The following CFAP54 variants were observed in gnomAD, a reference collection of about 807,000 sequenced individuals.
CFAP54 encodes cilia- and flagella-associated protein 54.
CFAP54 carries 290 observed loss-of-function variants against 370.4 expected under a neutral mutation model. That is an observed-to-expected ratio of 0.78 (90% CI 0.71 to 0.86). CFAP54 has a LOEUF of 0.86. CFAP54 is among the 40% of genes least tolerant of loss of function. CFAP54 has a pLI of 0.00. For synonymous variants in CFAP54, 1,206 were observed against 1,236.5 expected, an observed-to-expected ratio of 0.98 and a Z score of 0.52; for missense variants, 3,399 against 3,528.7, an observed-to-expected ratio of 0.96 and a Z score of 0.93.
At chr12:96,512,299 T>C (rs1955177721) in intron 4 of CFAP54, among the ~76,000 whole-genome samples, 1 of 119,548 alleles carries the variant, frequency 8.4e-6, no homozygotes, top group Non-Finnish European at 1.7e-5. Flanking sequence ...TGGGAACCAA[T>C]TTTATATATA....
chr12:96,835,889 C>A lies in CFAP54; in HGVS notation c.9171+6801C>A, dbSNP rs890736010. 4.6e-5 allele frequency among the ~76,000 whole-genome samples: 7 copies of A among 152,128 alleles called. No individual in the cohort carries two copies. In the East Asian group the frequency reaches 1.4e-3, roughly 30 times the overall value. On this transcript the variant is annotated intron_variant, in intron 66 of 67. Coordinates refer to ENST00000524981, the MANE Select transcript of CFAP54 (RefSeq NM_001306084.2). ...CAGCTGGTGTGATGGCAGTGGTAGGCGATCTGGAGTGGCTGCTGCCATCAT... is the reference window on the plus strand; with the variant it reads ...CAGCTGGTGTGATGGCAGTGGTAGGAGATCTGGAGTGGCTGCTGCCATCAT...
chr12:96,500,669 G>T (rs1041497412), intron 1 of CFAP54, among the ~76,000 whole-genome samples, 165 bp from the exon 2 acceptor site: 2 of 152,076 alleles, frequency 1.3e-5, no homozygotes, highest in Non-Finnish European at 2.9e-5. Flanking sequence ...TACATAGGAA[G>T]CAATAATTTT....
rs117140433 is a variant in CFAP54, at chr12:96,845,509, A to G, written c.9172-15310A>G. Among the ~76,000 whole-genome samples the G allele has an allele frequency of 2.0e-3, 308 of 152,308 alleles. 5 individuals are homozygous for G. The highest frequency in any genetic ancestry group is 0.013 in the Admixed American group (203 of 15,294). On this transcript the variant is annotated intron_variant, in intron 66 of 67. Coordinates refer to ENST00000524981, the MANE Select transcript of CFAP54 (RefSeq NM_001306084.2). ...CTTTCTGGAGGGAAGCCCACATCCA[A>G]TTACTGGTTGATGTGGGAGTACAAA...
chr12:96,866,718 A>C (rs533483627), intron 67 of CFAP54, among the ~76,000 whole-genome samples: 1 of 152,318 alleles, frequency 6.6e-6, no homozygotes, highest in East Asian at 1.9e-4. Context: ...TATAAATGCA[A>C]TTCGGAACTA....
intron 52 of CFAP54, 39 bp from the exon 53 acceptor site, chr12:96,743,363 T>G: frequency 6.2e-7 from 1 of 1,604,130 alleles, no homozygotes; most frequent in East Asian, 2.2e-5. Flanking sequence ...CTTCTGACTT[T>G]CTCAATGCAT....
intron 47 of CFAP54, 54 bp downstream of exon 47, chr12:96,704,850 G>T: frequency 1.5e-6 from 1 of 648,246 alleles, no homozygotes; most frequent in South Asian, 2.0e-5. Context: ...GATAATTTTT[G>T]AGTCATTCTA....
intron 50 of CFAP54, among the ~76,000 whole-genome samples, chr12:96,726,688 T>C (rs1957844090): frequency 6.6e-6 from 1 of 152,166 alleles, no homozygotes; most frequent in South Asian, 2.1e-4. Flanking sequence ...AGTTCTGCTC[T>C]GATTTTAGTT....
intron 27 of CFAP54, among the ~76,000 whole-genome samples, chr12:96,623,014 T>C (rs532857847): frequency 6.6e-6 from 1 of 152,250 alleles, no homozygotes; most frequent in African/African-American, 2.4e-5. Flanking sequence ...TCACCCAGGC[T>C]TTGACTCAGG....
rs1959866936 is a variant in CFAP54 at position 96,861,000 on chromosome 12, T to C, written c.*14+48T>C. 8.7e-6 allele frequency: 12 copies of C among 1,383,176 alleles called. No homozygotes were observed. In the African/African-American group the frequency reaches 1.3e-4, roughly 15 times the overall value. 85.7% of individuals were successfully genotyped at this position (1,383,176 alleles called of 1,614,324 possible). A position where few individuals can be genotyped will look rare whatever the true frequency, so the allele number is the denominator to read the frequency against. On this transcript the variant is annotated intron_variant, in intron 67 of 67. Coordinates refer to ENST00000524981, the MANE Select transcript of CFAP54 (RefSeq NM_001306084.2). ...TGTTGTTGTTTCTCTTCATTTGAGC[T>C]AAGTTTTTGGAACGGTCCTCTTATA...
intron 33 of CFAP54, among the ~76,000 whole-genome samples, chr12:96,647,482 A>AAAAAAAAAAAAAAAG (rs1956808964): frequency 6.7e-6 from 1 of 148,332 alleles, no homozygotes; most frequent in African/African-American, 2.5e-5. Flanking sequence ...CAAAAAAAAA[A>AAAAAAAAAAAAAAAG]AAAAAAAAAA....
At chr12:96,820,618 C>T (rs1959021852) in intron 65 of CFAP54, among the ~76,000 whole-genome samples, 1 of 152,114 alleles carries the variant, frequency 6.6e-6, no homozygotes, top group Admixed American at 6.5e-5. Flanking sequence ...CAGTGTCCTC[C>T]AATGTTGCAA....
intron 5 of CFAP54, among the ~76,000 whole-genome samples, chr12:96,517,807 T>G (rs1955254621): frequency 6.6e-6 from 1 of 152,150 alleles, no homozygotes. Flanking sequence ...AGGCCAATCA[T>G]GGTGGAGAAG....
intron 63 of CFAP54, among the ~76,000 whole-genome samples, chr12:96,806,041 G>A (rs1958873803): frequency 6.7e-6 from 1 of 150,014 alleles, no homozygotes; most frequent in African/African-American, 2.4e-5. Context: ...ATAGACATTG[G>A]AAACTACAAA....
intron 58 of CFAP54, among the ~76,000 whole-genome samples, chr12:96,760,949 AC>A (rs1216148507): frequency 1.3e-5 from 2 of 152,016 alleles, no homozygotes; most frequent in Non-Finnish European, 2.9e-5. Flanking sequence ...TTTTTTGTGG[AC>A]ATATGTTTTC....
chr12:96,782,208 T>C (rs1158166481), intron 60 of CFAP54, among the ~76,000 whole-genome samples: 1 of 152,118 alleles, frequency 6.6e-6, no homozygotes. Flanking sequence ...TGGGAAAACA[T>C]GCCTACTGTA....
intron 26 of CFAP54, among the ~76,000 whole-genome samples, chr12:96,617,282 G>C (rs1435707388): frequency 6.6e-6 from 1 of 152,180 alleles, no homozygotes; most frequent in Non-Finnish European, 1.5e-5. Flanking sequence ...CGGGAGATGT[G>C]AAATGTATGT....
intron 34 of CFAP54, among the ~76,000 whole-genome samples, chr12:96,648,902 T>C (rs1956828571): frequency 6.6e-6 from 1 of 152,038 alleles, no homozygotes; most frequent in African/African-American, 2.4e-5. Flanking sequence ...ACAGGGTTCT[T>C]GATCAGGGTG....
intron 27 of CFAP54, among the ~76,000 whole-genome samples, 154 bp downstream of exon 27, chr12:96,621,875 G>GTTTTTGTTTT (rs1956496574): frequency 6.0e-5 from 3 of 50,024 alleles, no homozygotes; most frequent in Non-Finnish European, 9.9e-5. Flanking sequence ...TTTTGGGTTT[G>GTTTTTGTTTT]TTTTTTTTTT....
intron 39 of CFAP54, among the ~76,000 whole-genome samples, chr12:96,675,759 TA>T (rs1243432120): frequency 6.6e-6 from 1 of 152,000 alleles, no homozygotes; most frequent in Non-Finnish European, 1.5e-5. Flanking sequence ...TATGCAGCCA[TA>T]AAAAATGATG....
Sources: allele counts gnomAD v4.1 joint callset (sites outside exome capture counted in the v4.1 genomes callset), GRCh38; gene constraint gnomAD v4.1.1; transcripts MANE v1.5; gene names NCBI Gene and HGNC (gene_info 2026-07-23, HGNC 2026-07-21).